The following HPSE2 variants were observed in gnomAD, a reference collection of about 807,000 sequenced individuals.
HPSE2 encodes the protein heparanase 2 (inactive), also known as inactive heparanase-2.
Under a neutral mutation model 60.5 loss-of-function variants are expected in HPSE2, and 38 were observed. The observed-to-expected ratio is 0.63, with a 90% confidence interval of 0.48 to 0.82. The LOEUF is 0.82. HPSE2 is among the 40% of genes least tolerant of loss of function. The probability of loss-of-function intolerance (pLI) is 0.00; values close to 1 mark genes in which losing one functional copy is unlikely to be tolerated. For missense variants in HPSE2, 713 were observed against 740.4 expected, an observed-to-expected ratio of 0.96 and a Z score of 0.43; for synonymous variants, 295 against 293.2, an observed-to-expected ratio of 1.01 and a Z score of -0.06.
At chr10:98,568,873 A>C (rs1178783022) in intron 9 of HPSE2, among the ~76,000 whole-genome samples, 1 of 150,880 alleles carries the variant, frequency 6.6e-6, no homozygotes, top group Non-Finnish European at 1.5e-5. Context: ...GTGAGTTTTA[A>C]ATTAAAAATA....
At chr10:98,498,600 C>T (rs547086085) in intron 9 of HPSE2, among the ~76,000 whole-genome samples, 6 of 152,136 alleles carry the variant, frequency 3.9e-5, no homozygotes, top group Admixed American at 3.9e-4. Flanking sequence ...CCTTTAACAC[C>T]CCCAAAAAAT....
intron 3 of HPSE2, among the ~76,000 whole-genome samples, chr10:98,877,000 G>C (rs901592078): frequency 4.0e-5 from 6 of 151,696 alleles, no homozygotes; most frequent in Middle Eastern, 6.3e-3. Context: ...TATTAGGCAT[G>C]ACCTTTATAT....
chr10:99,307,830 G>GCACACACACACACACACACA, the HPSE2 span, among the ~76,000 whole-genome samples: 3 of 141,024 alleles, frequency 2.1e-5, no homozygotes, highest in African/African-American at 8.2e-5. Flanking sequence ...CCTAGTAAAT[G>GCACACACACACACACACACA]CGCACACACA....
intron 3 of HPSE2, among the ~76,000 whole-genome samples, chr10:98,751,191 C>G (rs565112758): frequency 6.6e-6 from 1 of 152,270 alleles, no homozygotes; most frequent in South Asian, 2.1e-4. Flanking sequence ...AGACGATTAA[C>G]ATTTTCTTCA....
chr10:99,014,457 T>C (rs1957089725), intron 3 of HPSE2, among the ~76,000 whole-genome samples: 1 of 152,184 alleles, frequency 6.6e-6, no homozygotes, highest in Non-Finnish European at 1.5e-5. Flanking sequence ...TTGTATTCCT[T>C]TGGGTATATA....
intron 9 of HPSE2, among the ~76,000 whole-genome samples, chr10:98,521,525 C>A (rs1942791672): frequency 6.6e-6 from 1 of 152,156 alleles, no homozygotes. Flanking sequence ...AATGTTTTTA[C>A]ACTGCTGGTG....
At chr10:99,305,961 A>ATAAGCGCGCGCGCGCGCGCG in the HPSE2 span, among the ~76,000 whole-genome samples, 1 of 103,062 alleles carries the variant, frequency 9.7e-6, no homozygotes. Flanking sequence ...ACTCACACAC[A>ATAAGCGCGCGCGCGCGCGCG]CGCGCGCGCG....
rs556501630 is a variant in HPSE2 at position 98,807,404 on chromosome 10, T to C, written c.611-63348A>G. Among the ~76,000 whole-genome samples the C allele has an allele frequency of 2.0e-5, 3 of 152,350 alleles. No homozygotes were observed. In the South Asian group the frequency reaches 6.2e-4, roughly 32 times the overall value. Reference sequence around the variant, plus strand: ...CTCTTTAAATCAGACATCTAGCACTTTAATTTTCATCCAAATTGGTATGAA... The same window carrying C: ...CTCTTTAAATCAGACATCTAGCACTCTAATTTTCATCCAAATTGGTATGAA... On this transcript the variant is annotated intron_variant, in intron 3 of 11. Coordinates refer to ENST00000370552, the MANE Select transcript of HPSE2 (RefSeq NM_021828.5).
intron 3 of HPSE2, among the ~76,000 whole-genome samples, chr10:98,869,999 G>A (rs1329077599): frequency 6.6e-6 from 1 of 152,084 alleles, no homozygotes; most frequent in African/African-American, 2.4e-5. Context: ...GTTTTTTAAT[G>A]TTGTAGTGTA....
chr10:99,051,997 T>C (rs1016298024), intron 3 of HPSE2, among the ~76,000 whole-genome samples: 1 of 151,124 alleles, frequency 6.6e-6, no homozygotes, highest in Non-Finnish European at 1.5e-5. Context: ...ATCCAGATTC[T>C]CCAGGGTATA....
At chr10:98,612,010 C>T (rs761552641) in intron 9 of HPSE2, among the ~76,000 whole-genome samples, 3 of 152,150 alleles carry the variant, frequency 2.0e-5, no homozygotes, top group Non-Finnish European at 4.4e-5. Flanking sequence ...TTGAGGAGGA[C>T]AAAGCCATGA....
intron 3 of HPSE2, among the ~76,000 whole-genome samples, chr10:99,015,707 T>C (rs1381004633): frequency 6.6e-6 from 1 of 152,058 alleles, no homozygotes; most frequent in African/African-American, 2.4e-5. Context: ...TTAGGAGATA[T>C]ACCTAATGTT....
chr10:98,985,885 G>A (rs1282802725), intron 3 of HPSE2, among the ~76,000 whole-genome samples: 1 of 152,056 alleles, frequency 6.6e-6, no homozygotes, highest in East Asian at 1.9e-4. Flanking sequence ...AAGATCAAAA[G>A]AGATAAAGAA....
chr10:99,177,767 C>T lies in HPSE2; in HGVS notation c.449-33368G>A, dbSNP rs549981548. ...GACTTGAACTCAGCTCTGGACCAAG[C>T]GACCTGATAGACATCTACAGAACTC... On this transcript the variant is annotated intron_variant, in intron 2 of 11. Transcript: ENST00000370552. Among the ~76,000 whole-genome samples, 8 of 152,140 alleles carry T rather than the reference C, an allele frequency of 5.3e-5. No individual in the cohort carries two copies. The East Asian group carries it at 5.8e-4, about 11-fold the overall frequency.
chr10:98,919,821 T>C (rs1954230461), intron 3 of HPSE2, among the ~76,000 whole-genome samples: 1 of 152,186 alleles, frequency 6.6e-6, no homozygotes, highest in Non-Finnish European at 1.5e-5. Flanking sequence ...GAAGAGGTTT[T>C]TATGGAGGAT....
At chr10:98,878,385 T>G (rs934448656) in intron 3 of HPSE2, among the ~76,000 whole-genome samples, 2 of 152,022 alleles carry the variant, frequency 1.3e-5, no homozygotes, top group African/African-American at 4.8e-5. Context: ...GTGCATTGAT[T>G]GTTCTAAGTG....
chr10:98,666,474 C>G (rs1210332222), intron 6 of HPSE2, among the ~76,000 whole-genome samples: 1 of 152,110 alleles, frequency 6.6e-6, no homozygotes, highest in East Asian at 1.9e-4. Context: ...ACAACCACAG[C>G]ATATACATTT....
At chr10:98,807,168 T>C (rs910452975) in intron 3 of HPSE2, among the ~76,000 whole-genome samples, 8 of 152,114 alleles carry the variant, frequency 5.3e-5, no homozygotes, top group South Asian at 2.1e-4. Context: ...AATAATAATA[T>C]TAATGAATCT....
intron 2 of HPSE2, among the ~76,000 whole-genome samples, chr10:99,216,188 C>CTTTTTTTT (rs550046406): frequency 3.1e-5 from 3 of 97,676 alleles, no homozygotes; most frequent in African/African-American, 4.2e-5. Flanking sequence ...ATAACCTAAA[C>CTTTTTTTT]TTTTTTTTTT....
Sources: gnomAD v4.1 joint callset for allele counts (sites outside exome capture counted in the v4.1 genomes callset) on GRCh38, gnomAD v4.1.1 for gene constraint, MANE v1.5 for transcripts, NCBI Gene and HGNC (gene_info 2026-07-23, HGNC 2026-07-21) for gene names.